The following PEMT variants were observed in gnomAD, a reference collection of about 807,000 sequenced individuals.
PEMT encodes phospholipid methyltransferase.
In PEMT, 23 loss-of-function variants were observed where a neutral mutation model predicts 27.4. The ratio of observed to expected loss-of-function variants is 0.84; its 90% CI spans 0.60 to 1.19. The LOEUF is 1.19. PEMT is among the 50% of genes most tolerant of loss of function. The pLI, the probability that PEMT is intolerant of heterozygous loss-of-function variation, is 0.00. For synonymous variants in PEMT, 137 were observed against 139.1 expected, an observed-to-expected ratio of 0.98 and a Z score of 0.11; for missense variants, 307 against 310.1, an observed-to-expected ratio of 0.99 and a Z score of 0.07.
At chr17:17,585,018 A>G (rs576853227) in intron 1 of PEMT, among the ~76,000 whole-genome samples, 6 of 152,354 alleles carry the variant, frequency 3.9e-5, no homozygotes, top group African/African-American at 1.4e-4. Flanking sequence ...CAACCCTGCG[A>G]GGCATGCCCA....
rs113887195 is a variant in PEMT, at chr17:17,586,288, G to GAAAAAAA, written c.96+5236_96+5242dup. Among the ~76,000 whole-genome samples, 61 of 72,044 alleles carry GAAAAAAA rather than the reference G, an allele frequency of 8.5e-4. 2 individuals carry two copies. Among genetic ancestry groups the GAAAAAAA allele is most frequent in the Non-Finnish European group, 1.2e-3 (43 of 35,354 alleles). 47.3% of individuals were successfully genotyped at this position (72,044 alleles called of 152,430 possible). ...AGAAAGAAAGAAAGAAAGAAAGAAAGAAAAAAAAAAACGCAGGTGGAAAAT... is the reference window on the plus strand; with the variant it reads ...AGAAAGAAAGAAAGAAAGAAAGAAAGAAAAAAAAAAAAAAAAAACGCAGGTGGAAAAT... On this transcript the variant is annotated intron_variant, in intron 1 of 6. Transcript: ENST00000255389.
chr17:17,552,290 C>A (rs556887259), intron 2 of PEMT, among the ~76,000 whole-genome samples: 51 of 151,942 alleles, frequency 3.4e-4, no homozygotes, highest in African/African-American at 1.0e-3. Context: ...CCAGCCTGGG[C>A]GACAGAGGGA....
At chr17:17,549,948 C>T (rs1170453738) in intron 2 of PEMT, among the ~76,000 whole-genome samples, 2 of 152,128 alleles carry the variant, frequency 1.3e-5, no homozygotes, top group African/African-American at 2.4e-5. Context: ...GCAGCGTGGG[C>T]GCAGGGAGGG....
chr17:17,564,304 G>A (rs1183374503), intron 2 of PEMT, among the ~76,000 whole-genome samples: 2 of 152,120 alleles, frequency 1.3e-5, no homozygotes, highest in Non-Finnish European at 2.9e-5. Context: ...GGAGTATGGG[G>A]CTTGGGTGGG....
At chr17:17,586,275 AGAAAG>A (rs1567759428) in intron 1 of PEMT, among the ~76,000 whole-genome samples, 18 of 116,220 alleles carry the variant, frequency 1.5e-4, no homozygotes, top group Admixed American at 2.5e-4. Flanking sequence ...AAAGAAAGAA[AGAAAG>A]AAAGAAAGAA....
chr17:17,541,289 G>C (rs1232191795), intron 2 of PEMT, among the ~76,000 whole-genome samples: 2 of 152,174 alleles, frequency 1.3e-5, no homozygotes, highest in Non-Finnish European at 1.5e-5. Flanking sequence ...GTGCCTCAAA[G>C]TTTCCCGAGT....
In PEMT at chr17:17,561,508, G is replaced by A. The variant is rs1214838673; in HGVS notation, c.204+15412C>T. Reference sequence around the variant, plus strand: ...GTGGCTGCCCGAGGGGGAAGCGGACGGTAAGGCTGGAGGTAGGAAGAGGGA... The same window carrying A: ...GTGGCTGCCCGAGGGGGAAGCGGACAGTAAGGCTGGAGGTAGGAAGAGGGA... On this transcript the variant is annotated intron_variant, in intron 2 of 6. Coordinates refer to ENST00000255389, the MANE Select transcript of PEMT (RefSeq NM_148172.3). The surrounding 1 kb of genome is among the most constrained non-coding windows in gnomAD (Gnocchi z 4.5). Among the ~76,000 whole-genome samples the A allele has an allele frequency of 6.6e-6, 1 of 152,176 alleles. No homozygotes were observed. Among genetic ancestry groups the A allele is most frequent in the Admixed American group, 6.5e-5 (1 of 15,282 alleles).
chr17:17,563,640 G>A (rs938713979), intron 2 of PEMT, among the ~76,000 whole-genome samples: 16 of 152,348 alleles, frequency 1.1e-4, no homozygotes, highest in Admixed American at 8.5e-4. Context: ...TGCTGCTACC[G>A]TAAGCGGGTG....
intron 3 of PEMT, among the ~76,000 whole-genome samples, chr17:17,514,482 C>A (rs1219162697): frequency 6.6e-6 from 1 of 152,212 alleles, no homozygotes; most frequent in Non-Finnish European, 1.5e-5. Context: ...CACCAGGACC[C>A]GGTGGCAGAG....
chr17:17,586,686 T>C (rs1324761652), intron 1 of PEMT, among the ~76,000 whole-genome samples: 7 of 152,122 alleles, frequency 4.6e-5, no homozygotes, highest in Non-Finnish European at 7.4e-5. Context: ...AGGTCAGGAA[T>C]ATAAGCTTTG....
chr17:17,586,216 AAAAGAAAG>A (rs745534134), intron 1 of PEMT, among the ~76,000 whole-genome samples: 3,206 of 79,150 alleles, frequency 0.041, 135 homozygotes, highest in Non-Finnish European at 0.05. Flanking sequence ...GAAAGAAAGA[AAAAGAAAG>A]AAAGAAAGAA....
At chr17:17,574,245 A>AC (rs1491286829) in intron 2 of PEMT, among the ~76,000 whole-genome samples, 160 of 89,266 alleles carry the variant, frequency 1.8e-3, no homozygotes, top group African/African-American at 0.011. Context: ...GCTTATGACC[A>AC]AAAAAAAAAA....
chr17:17,506,124 G>T, intron 6 of PEMT, 103 bp downstream of exon 6: 1 of 1,098,524 alleles, frequency 9.1e-7, no homozygotes, highest in South Asian at 1.6e-5. Flanking sequence ...CCTGGCTGAC[G>T]GCAGCCTGTC....
chr17:17,553,774 G>T (rs929146103), intron 2 of PEMT, among the ~76,000 whole-genome samples: 1 of 152,232 alleles, frequency 6.6e-6, no homozygotes, highest in Non-Finnish European at 1.5e-5. Flanking sequence ...ACCCTACGTG[G>T]AAAGCTGAGC....
chr17:17,563,390 G>A (rs1181202958), intron 2 of PEMT, among the ~76,000 whole-genome samples: 3 of 152,078 alleles, frequency 2.0e-5, no homozygotes, highest in Non-Finnish European at 4.4e-5. Flanking sequence ...GCATCCGCAG[G>A]GGCCCCCTCT....
upstream of PEMT, chr17:17,592,008 C>A (rs1421588093): frequency 1.0e-6 from 1 of 985,368 alleles, no homozygotes; most frequent in Non-Finnish European, 1.2e-6. Flanking sequence ...GGGCTAGAGG[C>A]CGGGGGCCGC....
chr17:17,571,673 C>T (rs1484438132), intron 2 of PEMT, among the ~76,000 whole-genome samples: 2 of 151,842 alleles, frequency 1.3e-5, no homozygotes, highest in Non-Finnish European at 2.9e-5. Flanking sequence ...CCCAGCTCCC[C>T]AGGAGTCCAG....
chr17:17,586,234 AAG>A (rs1278070643), intron 1 of PEMT, among the ~76,000 whole-genome samples: 1 of 93,804 alleles, frequency 1.1e-5, no homozygotes, highest in Non-Finnish European at 2.0e-5. Flanking sequence ...GAAAGAAAGA[AAG>A]AAAGAAAGAA....
At chr17:17,538,375 TG>T (rs1423442336) in intron 2 of PEMT, among the ~76,000 whole-genome samples, 1 of 152,134 alleles carries the variant, frequency 6.6e-6, no homozygotes, top group African/African-American at 2.4e-5. Context: ...GGCAACAAAT[TG>T]AGACCCTATC....
Sources: allele counts gnomAD v4.1 joint callset (sites outside exome capture counted in the v4.1 genomes callset), GRCh38; gene constraint gnomAD v4.1.1; non-coding constraint Gnocchi (gnomAD v3.1); transcripts MANE v1.5; gene names NCBI Gene and HGNC (gene_info 2026-07-23, HGNC 2026-07-21).